VEGFC: variants seen among roughly 807,000 people sequenced by gnomAD.
VEGFC encodes the protein vascular endothelial growth factor C.
In VEGFC, 12 loss-of-function variants were observed where a neutral mutation model predicts 46.1. The ratio of observed to expected loss-of-function variants is 0.26; its 90% confidence interval spans 0.17 to 0.42. The LOEUF is 0.42. Ranked by LOEUF, VEGFC falls within the 10% of genes least tolerant of loss-of-function variation. The pLI is 1.00. For synonymous variants in VEGFC, 232 were observed against 195.5 expected (o/e 1.19, Z -1.56); for missense variants, 488 against 529.4 (o/e 0.92, Z 0.77).
intron 4 of VEGFC, among the ~76,000 whole-genome samples, chr4:176,691,971 G>GCATT (rs1391559910): frequency 6.6e-6 from 1 of 152,130 alleles, no homozygotes; most frequent in Non-Finnish European, 1.5e-5. Flanking sequence ...GCAGGGCGAG[G>GCATT]CATTGCCTCA....
Position 176,701,574 on chromosome 4 carries a change from C to T in VEGFC, c.704+9925G>A, listed in dbSNP as rs182098726. On this transcript the variant is annotated intron_variant, in intron 4 of 6. Coordinates refer to ENST00000618562, the MANE Select transcript of VEGFC (RefSeq NM_005429.5). ...CAGGCAAACTATATATAAAAGTTAC[C>T]TTCCCTTTACAAAAACAGTAACGCT... Among the ~76,000 whole-genome samples the T allele has an allele frequency of 2.0e-3, 307 of 152,270 alleles. 1 individual carries two copies. Among genetic ancestry groups the T allele is most frequent in the African/African-American group, 7.1e-3 (297 of 41,570 alleles).
At chr4:176,741,357 T>C (rs368008075) in intron 1 of VEGFC, among the ~76,000 whole-genome samples, 2 of 151,934 alleles carry the variant, frequency 1.3e-5, no homozygotes, top group Non-Finnish European at 2.9e-5. Flanking sequence ...ACAATCAACA[T>C]TGATGAAAAT....
At chr4:176,723,691 C>T (rs1323355334) in intron 3 of VEGFC, among the ~76,000 whole-genome samples, 1 of 111,528 alleles carries the variant, frequency 9.0e-6, no homozygotes, top group Non-Finnish European at 1.7e-5. Context: ...TGCAGATTTG[C>T]GACACAGGTA....
intron 3 of VEGFC, among the ~76,000 whole-genome samples, chr4:176,717,935 T>A (rs1362342658): frequency 1.3e-5 from 2 of 152,118 alleles, no homozygotes; most frequent in African/African-American, 4.8e-5. Flanking sequence ...GAAAATGGAA[T>A]AACAGATAGC....
chr4:176,723,301 G>A (rs1734819506), intron 3 of VEGFC, among the ~76,000 whole-genome samples: 1 of 151,770 alleles, frequency 6.6e-6, no homozygotes, highest in East Asian at 1.9e-4. Context: ...ATACATATAT[G>A]TATATCTGTA....
chr4:176,767,383 C>T (rs1735645901), intron 1 of VEGFC, among the ~76,000 whole-genome samples: 1 of 152,206 alleles, frequency 6.6e-6, no homozygotes, highest in Non-Finnish European at 1.5e-5. Flanking sequence ...TCATTCTCCT[C>T]ACTCTCCCTC....
chr4:176,763,869 T>G (rs1735572690), intron 1 of VEGFC, among the ~76,000 whole-genome samples: 1 of 152,118 alleles, frequency 6.6e-6, no homozygotes. Context: ...TTTTTCTGAT[T>G]ACAGGTGATA....
intron 4 of VEGFC, among the ~76,000 whole-genome samples, chr4:176,691,570 C>T (rs1697560942): frequency 6.6e-6 from 1 of 152,166 alleles, no homozygotes; most frequent in Non-Finnish European, 1.5e-5. Flanking sequence ...CACAGCTTCA[C>T]TTGACTTTGG....
chr4:176,791,714 T>C (rs1357752473), intron 1 of VEGFC, among the ~76,000 whole-genome samples: 1 of 152,178 alleles, frequency 6.6e-6, no homozygotes, highest in African/African-American at 2.4e-5. Context: ...CCTGGTGCTC[T>C]GCAGACTATG....
intron 1 of VEGFC, among the ~76,000 whole-genome samples, chr4:176,733,860 A>G (rs1289270718): frequency 1.3e-5 from 2 of 151,908 alleles, no homozygotes; most frequent in Non-Finnish European, 2.9e-5. Context: ...TAAAAGGTAA[A>G]TTTAAAGGGG....
At chr4:176,789,430 A>G (rs1736053106) in intron 1 of VEGFC, among the ~76,000 whole-genome samples, 1 of 152,264 alleles carries the variant, frequency 6.6e-6, no homozygotes, top group South Asian at 2.1e-4. Context: ...GGAAATCAAA[A>G]TGAAAGATGA....
At chr4:176,773,623 A>G (rs1735758956) in intron 1 of VEGFC, among the ~76,000 whole-genome samples, 1 of 152,146 alleles carries the variant, frequency 6.6e-6, no homozygotes, top group African/African-American at 2.4e-5. Context: ...AATAGTAGAG[A>G]GGTTAAATAA....
At chr4:176,773,249 T>C (rs1735752022) in intron 1 of VEGFC, among the ~76,000 whole-genome samples, 1 of 152,280 alleles carries the variant, frequency 6.6e-6, no homozygotes, top group Admixed American at 6.5e-5. Context: ...GGCCAAACTC[T>C]AAAAATGATC....
chr4:176,731,088 A>C (rs965198387), intron 1 of VEGFC, among the ~76,000 whole-genome samples: 1 of 152,082 alleles, frequency 6.6e-6, no homozygotes, highest in African/African-American at 2.4e-5. Context: ...TTATTCCATT[A>C]CTTTCTGAAG....
At chr4:176,718,049 T>C (rs1429671917) in intron 3 of VEGFC, among the ~76,000 whole-genome samples, 1 of 152,178 alleles carries the variant, frequency 6.6e-6, no homozygotes, top group Non-Finnish European at 1.5e-5. Context: ...TGAAGAGTTT[T>C]AGAAATACTG....
At chr4:176,764,166 TC>T (rs1285111840) in intron 1 of VEGFC, among the ~76,000 whole-genome samples, 1 of 152,096 alleles carries the variant, frequency 6.6e-6, no homozygotes, top group Non-Finnish European at 1.5e-5. Context: ...GTTGCCAAGA[TC>T]CTGGGCAGAA....
At chr4:176,744,936 C>A (rs1360480759) in intron 1 of VEGFC, among the ~76,000 whole-genome samples, 1 of 152,036 alleles carries the variant, frequency 6.6e-6, no homozygotes, top group African/African-American at 2.4e-5. Flanking sequence ...ATTCCAAAAT[C>A]CCCTAACTTT....
intron 1 of VEGFC, among the ~76,000 whole-genome samples, chr4:176,757,185 T>G (rs548246708): frequency 6.6e-6 from 1 of 152,034 alleles, no homozygotes; most frequent in African/African-American, 2.4e-5. Flanking sequence ...TTCATACTTT[T>G]TTTTCTAGGC....
intron 1 of VEGFC, among the ~76,000 whole-genome samples, chr4:176,769,099 AC>A (rs1735681090): frequency 6.6e-6 from 1 of 151,938 alleles, no homozygotes; most frequent in African/African-American, 2.4e-5. Context: ...CTTCCTCCTT[AC>A]CCCTATCACC....
Sources: allele counts gnomAD v4.1 joint callset (sites outside exome capture counted in the v4.1 genomes callset), GRCh38; gene constraint gnomAD v4.1.1; transcripts MANE v1.5; gene names NCBI Gene and HGNC (gene_info 2026-07-23, HGNC 2026-07-21).